The following MGAM variants were observed in gnomAD, a reference collection of about 807,000 sequenced individuals.
MGAM encodes alpha-1,4-glucosidase.
A neutral mutation model predicts 358.8 loss-of-function variants in MGAM; 253 were observed. The observed-to-expected ratio is 0.71, with a 90% confidence interval of 0.64 to 0.78. The LOEUF is 0.78. Ranked by LOEUF, MGAM falls within the 30% of genes least tolerant of loss-of-function variation. The pLI is 0.00. For missense variants in MGAM, 3,080 were observed against 3,432.6 expected (o/e 0.90, Z 2.57); for synonymous variants, 1,105 against 1,227.1 (o/e 0.90, Z 2.08).
chr7:142,074,170 A>G lies in MGAM; in HGVS notation c.5272A>G (p.Lys1758Glu), dbSNP rs770722304. The change falls in exon 45 of 71, where the codon AAG becomes GAG. Residue 1758 changes from lysine to glutamate, a missense_variant. By Grantham distance (56) the Lys-to-Glu change is moderately conservative (BLOSUM62 1). Coordinates refer to ENST00000475668, the MANE Select transcript of MGAM (RefSeq NM_001365693.1). Reference sequence around the variant, plus strand: ...ACTTTTCTGGGATGATGGGCAAACAAAGGGTGAGCGCTGTTACAATAATGT... The same window carrying G: ...ACTTTTCTGGGATGATGGGCAAACAGAGGGTGAGCGCTGTTACAATAATGT... ...GELFWDDGQTKDTVAKKVYLL... is the reference protein window; with the variant it reads ...GELFWDDGQTEDTVAKKVYLL... The G allele has an allele frequency of 3.3e-6, 5 of 1,525,570 alleles. 1 individual carries two copies. The highest frequency in any genetic ancestry group is 3.4e-5 in the Admixed American group (2 of 57,974). 94.5% of individuals were successfully genotyped at this position (1,525,570 alleles called of 1,614,324 possible).
intron 21 of MGAM, among the ~76,000 whole-genome samples, chr7:142,043,702 T>C (rs1316339816): frequency 7.7e-5 from 10 of 129,650 alleles, no homozygotes; most frequent in Non-Finnish European, 1.5e-4. Flanking sequence ...ATAATACATA[T>C]ATTATATATC....
chr7:142,044,679 A>G (rs1420683460), intron 21 of MGAM, among the ~76,000 whole-genome samples: 3 of 73,414 alleles, frequency 4.1e-5, no homozygotes, highest in African/African-American at 1.3e-4. Context: ...CACGTGTAAT[A>G]TATGATGTAT....
chr7:142,038,858 G>A (rs1179275311), intron 19 of MGAM, among the ~76,000 whole-genome samples: 1 of 152,116 alleles, frequency 6.6e-6, no homozygotes, highest in Non-Finnish European at 1.5e-5. Context: ...AAACTCTAGA[G>A]TTACAAGTTA....
At chr7:141,999,155 A>G (rs1554449852) in intron 1 of MGAM, among the ~76,000 whole-genome samples, 1 of 152,178 alleles carries the variant, frequency 6.6e-6, no homozygotes, top group Non-Finnish European at 1.5e-5. Flanking sequence ...GGCACATTGT[A>G]GGAACTTAAT....
chr7:142,056,379 A>G (rs1811543075), intron 29 of MGAM, among the ~76,000 whole-genome samples: 1 of 152,200 alleles, frequency 6.6e-6, no homozygotes, highest in Non-Finnish European at 1.5e-5. Flanking sequence ...AGCCAGTTAT[A>G]TAATTTGAAT....
intron 70 of MGAM, among the ~76,000 whole-genome samples, chr7:142,104,055 T>C (rs1816652418): frequency 6.6e-6 from 1 of 152,132 alleles, no homozygotes; most frequent in Non-Finnish European, 1.5e-5. Flanking sequence ...GTTTTCACTG[T>C]GTTAGCCAGG....
chr7:142,021,879 T>C (rs1269118580), intron 6 of MGAM, 142 bp downstream of exon 6: 3 of 845,344 alleles, frequency 3.5e-6, no homozygotes, highest in Non-Finnish European at 5.6e-6. Context: ...TTCTAAAGTA[T>C]ACATTTTTTT....
intron 21 of MGAM, among the ~76,000 whole-genome samples, chr7:142,041,175 T>C (rs1808494922): frequency 6.6e-6 from 1 of 152,158 alleles, no homozygotes; most frequent in East Asian, 1.9e-4. Flanking sequence ...TTCTTTCTTG[T>C]GATTCAAAAA....
rs1172065747 is a variant in MGAM at position 142,087,161 on chromosome 7, C to A, written c.6810+444C>A. Among the ~76,000 whole-genome samples, 2 of 141,130 alleles carry A rather than the reference C, an allele frequency of 1.4e-5. 1 individual carries two copies. The allele number at this position is 141,130 out of a possible 152,430, so 92.6% of individuals were successfully genotyped here. ...CTGTTTAGGTCTTTTTTTGGTGTAT[C>A]TTTTTTTTTTCCATGAACACGTTTC... On this transcript the variant is annotated intron_variant, in intron 57 of 70. Coordinates refer to ENST00000475668, the MANE Select transcript of MGAM (RefSeq NM_001365693.1).
chr7:141,992,770 A>G (rs1244826108), upstream of MGAM, among the ~76,000 whole-genome samples: 3 of 151,784 alleles, frequency 2.0e-5, no homozygotes, highest in Non-Finnish European at 2.9e-5. Flanking sequence ...TTTTGTAGAG[A>G]CATGTTCTCC....
chr7:142,068,732 C>T lies in MGAM; in HGVS notation c.5061+29C>T, dbSNP rs772477230. ...AGTTTTTCTGAATGTTTATATAACA[C>T]GGGAATGTGGTAGAGAGTACAAAGG... is the stretch of plus-strand genomic sequence containing the variant. On this transcript the variant is annotated intron_variant, in intron 43 of 70. Coordinates refer to ENST00000475668, the MANE Select transcript of MGAM (RefSeq NM_001365693.1). 9.7e-6 allele frequency: 14 copies of T among 1,449,424 alleles called. 1 individual carries two copies. Among genetic ancestry groups the T allele is most frequent in the Admixed American group, 6.9e-5 (4 of 58,002 alleles). 89.8% of individuals were successfully genotyped at this position (1,449,424 alleles called of 1,614,324 possible). A position where few individuals can be genotyped will look rare whatever the true frequency, so the allele number is the denominator to read the frequency against.
chr7:142,076,655 G>T lies in MGAM; in HGVS notation c.5326-4G>T. On this transcript the variant is annotated splice_region_variant and splice_polypyrimidine_tract_variant and intron_variant, in intron 46 of 70. Transcript: ENST00000475668. ...ATGCATAATTGGAGTTAATTGTTTTGCAGAACCACTTGGAGGTGACTATTT... is the reference window on the plus strand; with the variant it reads ...ATGCATAATTGGAGTTAATTGTTTTTCAGAACCACTTGGAGGTGACTATTT... 3.3e-6 allele frequency: 5 copies of T among 1,531,984 alleles called. 2 individuals are homozygous for T. The highest frequency in any genetic ancestry group is 3.6e-6 in the Non-Finnish European group (4 of 1,113,892). 94.9% of individuals were successfully genotyped at this position (1,531,984 alleles called of 1,614,324 possible).
intron 1 of MGAM, among the ~76,000 whole-genome samples, chr7:141,997,059 G>T (rs1293915436): frequency 6.6e-6 from 1 of 152,184 alleles, no homozygotes; most frequent in Non-Finnish European, 1.5e-5. Context: ...TGCCAGTCTA[G>T]CTAGACACAC....
intron 33 of MGAM, 31 bp from the exon 34 acceptor site, chr7:142,060,280 G>T (rs770474579): frequency 1.2e-6 from 2 of 1,608,646 alleles, no homozygotes; most frequent in South Asian, 2.2e-5. Flanking sequence ...ATTGTCTAGT[G>T]CATCGCTACT....
At position 142,034,774 on chromosome 7, in the gene MGAM, C is replaced by A. The variant is rs782592725; in HGVS notation, c.1892C>A (p.Ala631Asp). 2 of 1,613,440 alleles carry A rather than the reference C, an allele frequency of 1.2e-6. No homozygotes were observed. Among genetic ancestry groups the A allele is most frequent in the African/African-American group, 2.7e-5 (2 of 74,902 alleles). Reference protein sequence around the residue: ...FAAHWLGDNTATWDDLRWSIP... With the variant: ...FAAHWLGDNTDTWDDLRWSIP... The stretch of plus-strand genomic sequence containing the variant: ...GCACATTGGTTAGGAGACAACACTG[C>A]CACCTGGGATGACCTGAGATGGTCC... The change falls in exon 16 of 71, where the codon GCC becomes GAC. Residue 631 changes from alanine (A) to aspartate (D), a missense_variant. This residue lies in a region of MGAM where 1,816 missense variants were observed against 1,840.5 expected (regional missense o/e 0.99). Transcript: ENST00000475668.
At position 142,044,223 on chromosome 7, in the gene MGAM, GACATATA is replaced by G. The variant is rs1809618210; in HGVS notation, c.2498+3379_2498+3385del. On this transcript the variant is annotated intron_variant, in intron 21 of 70. Coordinates refer to ENST00000475668, the MANE Select transcript of MGAM (RefSeq NM_001365693.1). The stretch of plus-strand genomic sequence containing the variant: ...TAATATATACATTATATACACATAC[GACATATA>G]ATATATACATTATATACACATACGA... Among the ~76,000 whole-genome samples, 5 of 52,480 alleles carry G rather than the reference GACATATA, an allele frequency of 9.5e-5. 1 individual carries two copies. The highest frequency in any genetic ancestry group is 2.4e-4 in the Non-Finnish European group (4 of 16,946). The allele number at this position is 52,480 out of a possible 152,430, so 34.4% of individuals were successfully genotyped here.
chr7:142,041,868 T>C (rs1457063351), intron 21 of MGAM, among the ~76,000 whole-genome samples: 1 of 105,906 alleles, frequency 9.4e-6, no homozygotes, highest in Non-Finnish European at 1.8e-5. Context: ...ATTTTATATA[T>C]ATATTATATA....
At chr7:142,012,309 G>A (rs1366608884) in intron 3 of MGAM, among the ~76,000 whole-genome samples, 1 of 152,138 alleles carries the variant, frequency 6.6e-6, no homozygotes, top group African/African-American at 2.4e-5. Flanking sequence ...AGACCAAGGT[G>A]CTGGCATCTT....
chr7:142,103,557 G>A (rs149326028), intron 70 of MGAM, 118 bp downstream of exon 70: 71 of 1,039,232 alleles, frequency 6.8e-5, no homozygotes, highest in Non-Finnish European at 8.2e-5. Context: ...GGGAATCCCT[G>A]AGTTTTCCAT....
Sources: allele counts gnomAD v4.1 joint callset (sites outside exome capture counted in the v4.1 genomes callset), GRCh38; gene constraint gnomAD v4.1.1; regional missense constraint gnomAD v4.1.1; transcripts MANE v1.5; gene names NCBI Gene and HGNC (gene_info 2026-07-23, HGNC 2026-07-21).